PIK3CB: variants seen among roughly 807,000 people sequenced by gnomAD.
PIK3CB encodes the protein phosphatidylinositol-4,5-bisphosphate 3-kinase catalytic subunit beta.
Under a neutral mutation model 136.8 loss-of-function variants are expected in PIK3CB, and 39 were observed. That is an observed-to-expected ratio of 0.29 (90% CI 0.22 to 0.37). The LOEUF (loss-of-function observed/expected upper bound fraction) is 0.37, where lower values mean the gene tolerates loss of function less well. Among genes scored for constraint, PIK3CB ranks in the 10% least tolerant of loss-of-function variants. PIK3CB has a pLI of 1.00. For missense variants in PIK3CB, 868 were observed against 1,275.4 expected, an observed-to-expected ratio of 0.68 and a Z score of 4.87; for synonymous variants, 428 against 436.6, an observed-to-expected ratio of 0.98 and a Z score of 0.25.
chr3:138,784,312 G>A (rs1391592971), intron 2 of PIK3CB, among the ~76,000 whole-genome samples: 3 of 152,172 alleles, frequency 2.0e-5, no homozygotes, highest in East Asian at 1.9e-4. Context: ...AACCCGGGAA[G>A]CAGAGGTTGC....
intron 5 of PIK3CB, among the ~76,000 whole-genome samples, chr3:138,741,023 G>T (rs903672190): frequency 6.6e-6 from 1 of 152,134 alleles, no homozygotes; most frequent in Admixed American, 6.5e-5. Context: ...TCCTTAAACA[G>T]TATTGTAAAT....
intron 1 of PIK3CB, among the ~76,000 whole-genome samples, chr3:138,819,848 G>A (rs1465404027): frequency 3.3e-5 from 5 of 152,162 alleles, no homozygotes. Flanking sequence ...GGTCACAAGT[G>A]TCTGTAGTCT....
intron 5 of PIK3CB, among the ~76,000 whole-genome samples, chr3:138,739,902 A>C (rs1391153595): frequency 6.8e-6 from 1 of 147,254 alleles, no homozygotes; most frequent in Non-Finnish European, 1.5e-5. Flanking sequence ...TCCATCTCAA[A>C]AAATAAAAAA....
chr3:138,699,145 G>T, intron 12 of PIK3CB, 50 bp from the exon 13 acceptor site: 1 of 813,354 alleles, frequency 1.2e-6, no homozygotes, highest in Non-Finnish European at 1.8e-6. Flanking sequence ...AAACACCACA[G>T]CGAACTTTCA....
intron 8 of PIK3CB, among the ~76,000 whole-genome samples, chr3:138,715,220 T>C (rs1201438727): frequency 6.6e-6 from 1 of 152,232 alleles, no homozygotes; most frequent in Non-Finnish European, 1.5e-5. Flanking sequence ...ACAAAAGATA[T>C]TCCATCCATA....
chr3:138,662,346 G>A (rs1415967351), intron 21 of PIK3CB, among the ~76,000 whole-genome samples: 1 of 144,510 alleles, frequency 6.9e-6, no homozygotes, highest in Non-Finnish European at 1.5e-5. Flanking sequence ...CCATCTATGA[G>A]TGAGAACATG....
intron 4 of PIK3CB, among the ~76,000 whole-genome samples, chr3:138,746,583 C>T (rs1043613733): frequency 6.6e-6 from 1 of 152,010 alleles, no homozygotes; most frequent in Non-Finnish European, 1.5e-5. Context: ...ATGGCATGAA[C>T]CTGGGAGGTG....
At chr3:138,833,460 T>G (rs1223010006) in intron 1 of PIK3CB, among the ~76,000 whole-genome samples, 1 of 152,182 alleles carries the variant, frequency 6.6e-6, no homozygotes, top group African/African-American at 2.4e-5. Context: ...TTATTATGAC[T>G]TAAACAGTTC....
chr3:138,702,241 C>CTT (rs549125865), intron 12 of PIK3CB, among the ~76,000 whole-genome samples: 12 of 142,074 alleles, frequency 8.4e-5, no homozygotes, highest in Middle Eastern at 3.7e-3. Flanking sequence ...CCAGTTAATA[C>CTT]TTTTTTTTTT....
chr3:138,784,690 C>T (rs1238006613), intron 2 of PIK3CB, among the ~76,000 whole-genome samples: 1 of 152,208 alleles, frequency 6.6e-6, no homozygotes, highest in African/African-American at 2.4e-5. Context: ...ATGGGCCTCC[C>T]GAGGTGCTGG....
At chr3:138,797,890 C>A (rs1033982522) in intron 1 of PIK3CB, among the ~76,000 whole-genome samples, 19 of 151,928 alleles carry the variant, frequency 1.3e-4, no homozygotes, top group African/African-American at 4.6e-4. Context: ...GAGGCTCAGG[C>A]TGCAGTGAAC....
chr3:138,665,762 G>A lies in PIK3CB; in HGVS notation c.2505-559C>T, dbSNP rs536260675. On this transcript the variant is annotated intron_variant, in intron 19 of 23. Transcript: ENST00000674063. ...TTTTAAAAACTTTTTTTGACACAGGGTTTGGCCATGTTACCCAGGCTGCTC... is the reference window on the plus strand; with the variant it reads ...TTTTAAAAACTTTTTTTGACACAGGATTTGGCCATGTTACCCAGGCTGCTC... Among the ~76,000 whole-genome samples, 9 of 152,172 alleles carry A rather than the reference G, an allele frequency of 5.9e-5. No homozygotes were observed. In the East Asian group the frequency reaches 1.7e-3, roughly 30 times the overall value.
At chr3:138,799,486 GA>G (rs1296054261) in intron 1 of PIK3CB, among the ~76,000 whole-genome samples, 1 of 151,966 alleles carries the variant, frequency 6.6e-6, no homozygotes, top group Non-Finnish European at 1.5e-5. Context: ...AGATCAACCA[GA>G]ATGTACCTTG....
rs375476673 is a variant in PIK3CB at position 138,688,827 on chromosome 3, G to A, written c.2136+48C>T. ...ACAAGCTGATATTCATGCTTTAAAC[G>A]TTGTCTGTCAAAAAAAGAAAAAATG... On this transcript the variant is annotated intron_variant, in intron 16 of 23. Coordinates refer to ENST00000674063, the MANE Select transcript of PIK3CB (RefSeq NM_006219.3). 1.6e-4 allele frequency: 181 copies of A among 1,129,438 alleles called. 1 individual carries two copies. The Admixed American group carries it at 2.0e-3, about 13-fold the overall frequency. The allele number at this position is 1,129,438 out of a possible 1,614,324, so 70.0% of individuals were successfully genotyped here.
rs756150784 is a variant in PIK3CB at position 138,714,733 on chromosome 3, GACAAAA to G, written c.1051-20_1051-15del. The G allele has an allele frequency of 9.9e-5, 154 of 1,562,260 alleles. No individual in the cohort carries two copies. Among genetic ancestry groups the G allele is most frequent in the Admixed American group, 8.4e-4 (40 of 47,902 alleles). ...CCTGACATGAACCTGTAACGAAGCA[GACAAAA>G]ACAAAAACAAAGTCATGAATACTGT... On this transcript the variant is annotated splice_polypyrimidine_tract_variant and intron_variant, in intron 8 of 23. Transcript: ENST00000674063.
intron 2 of PIK3CB, among the ~76,000 whole-genome samples, chr3:138,782,250 G>C (rs1240875259): frequency 6.6e-6 from 1 of 152,174 alleles, no homozygotes; most frequent in Non-Finnish European, 1.5e-5. Context: ...ACTCGGGCCT[G>C]GATAAAGCCA....
At chr3:138,662,314 A>C in intron 21 of PIK3CB, among the ~76,000 whole-genome samples, 1 of 125,440 alleles carries the variant, frequency 8.0e-6, no homozygotes, top group African/African-American at 3.2e-5. Flanking sequence ...TCCTGTGTCC[A>C]TGTGTTCTCA....
chr3:138,825,382 AAGCAACTAATTGGTGTTAACAAAATGG>A (rs1390131688), intron 1 of PIK3CB: 1 of 613,300 alleles, frequency 1.6e-6, no homozygotes, highest in African/African-American at 1.8e-5. Flanking sequence ...CTGAAGTGTG[AAGCAACTAATTGGTGTTAACAAAATGG>A]ATTCCACTGA....
chr3:138,668,015 C>T (rs1176317080), intron 19 of PIK3CB, among the ~76,000 whole-genome samples: 3 of 151,842 alleles, frequency 2.0e-5, no homozygotes, highest in South Asian at 2.1e-4. Flanking sequence ...TTACAGCGAG[C>T]TGAGATTGCA....
Sources: gnomAD v4.1 joint callset for allele counts (sites outside exome capture counted in the v4.1 genomes callset) on GRCh38, gnomAD v4.1.1 for gene constraint, MANE v1.5 for transcripts, NCBI Gene and HGNC (gene_info 2026-07-23, HGNC 2026-07-21) for gene names.